Variants in ROBO1 observed in about 807,000 individuals in gnomAD.
ROBO1 encodes roundabout homolog 1.
Under a neutral mutation model 195.9 loss-of-function variants are expected in ROBO1, and 149 were observed. The ratio of observed to expected loss-of-function variants is 0.76; its 90% CI spans 0.67 to 0.87. The LOEUF is 0.87. Ranked by LOEUF, ROBO1 falls within the 40% of genes least tolerant of loss-of-function variation. The pLI is 0.00. For synonymous variants in ROBO1, 816 were observed against 733.2 expected (o/e 1.11, Z -1.82); for missense variants, 1,933 against 2,068.3 (o/e 0.93, Z 1.27).
chr3:78,987,091 G>A (rs549841630), intron 3 of ROBO1, among the ~76,000 whole-genome samples: 16 of 146,060 alleles, frequency 1.1e-4, no homozygotes, highest in South Asian at 4.3e-4. Context: ...AAAACATGAC[G>A]AAGTACTCTA....
intron 2 of ROBO1, among the ~76,000 whole-genome samples, chr3:79,307,808 A>G (rs2109082023): frequency 6.6e-6 from 1 of 152,270 alleles, no homozygotes; most frequent in East Asian, 1.9e-4. Flanking sequence ...GAATTGATTC[A>G]CTTTGGAAGT....
chr3:79,663,439 G>A lies in ROBO1; in HGVS notation c.-50-73478C>T, dbSNP rs141654206. Among the ~76,000 whole-genome samples, 360 of 152,016 alleles carry A rather than the reference G, an allele frequency of 2.4e-3. 1 individual carries two copies. Among genetic ancestry groups the A allele is most frequent in the African/African-American group, 8.5e-3 (354 of 41,508 alleles). On this transcript the variant is annotated intron_variant, in intron 1 of 30. Transcript: ENST00000464233. ...TAAAAACAATTTTCCTAAGTAACTG[G>A]TAATTCCTCTCATTCTCTTCCTATT...
At chr3:79,188,658 T>A (rs2081485414) in intron 2 of ROBO1, among the ~76,000 whole-genome samples, 1 of 151,780 alleles carries the variant, frequency 6.6e-6, no homozygotes, top group Non-Finnish European at 1.5e-5. Flanking sequence ...TGCCCTTTCA[T>A]TGAACCAATA....
At chr3:79,675,298 A>C (rs532989749) in intron 1 of ROBO1, among the ~76,000 whole-genome samples, 2 of 152,122 alleles carry the variant, frequency 1.3e-5, no homozygotes, top group South Asian at 2.1e-4. Flanking sequence ...GCATTAGTTT[A>C]GTGTTAAATA....
chr3:78,722,107 T>G (rs1159535037), intron 5 of ROBO1, among the ~76,000 whole-genome samples: 1 of 152,172 alleles, frequency 6.6e-6, no homozygotes, highest in Non-Finnish European at 1.5e-5. Context: ...ACACTTGGCT[T>G]AATCATGAAA....
At chr3:78,774,412 G>A (rs866163458) in intron 4 of ROBO1, among the ~76,000 whole-genome samples, 4 of 151,624 alleles carry the variant, frequency 2.6e-5, no homozygotes, top group Admixed American at 6.6e-5. Context: ...CTGGGTTCAC[G>A]CCATTCTCCT....
chr3:79,574,984 A>G (rs947666752), intron 2 of ROBO1, among the ~76,000 whole-genome samples: 1 of 150,644 alleles, frequency 6.6e-6, no homozygotes, highest in Admixed American at 6.7e-5. Context: ...GGCCAATTCT[A>G]GTAAACATTT....
intron 1 of ROBO1, among the ~76,000 whole-genome samples, chr3:79,634,726 G>T (rs907858860): frequency 6.6e-6 from 1 of 151,896 alleles, no homozygotes; most frequent in Admixed American, 6.6e-5. Flanking sequence ...TTATAAACAG[G>T]TTGAAAAAAT....
chr3:78,670,557 G>C, intron 10 of ROBO1: 1 of 436,606 alleles, frequency 2.3e-6, no homozygotes, highest in Non-Finnish European at 4.2e-6. Context: ...CCTATTTAAA[G>C]AGTTCGGGAA....
intron 2 of ROBO1, among the ~76,000 whole-genome samples, chr3:79,196,065 T>G (rs1042454350): frequency 4.0e-5 from 6 of 151,564 alleles, no homozygotes; most frequent in African/African-American, 1.5e-4. Flanking sequence ...AGATGAAAAG[T>G]CATAGTCTTT....
rs574867915 is a variant in ROBO1, at chr3:79,012,790, AAGAG to A, written c.173-73867_173-73864del. Among the ~76,000 whole-genome samples the A allele has an allele frequency of 4.4e-3, 663 of 152,256 alleles. 17 individuals carry two copies. Among genetic ancestry groups the A allele is most frequent in the Admixed American group, 0.04 (615 of 15,286 alleles). On this transcript the variant is annotated intron_variant, in intron 3 of 30. Coordinates refer to ENST00000464233, the MANE Select transcript of ROBO1 (RefSeq NM_002941.4). ...GAAATAGCCTTTTGGATGGTTAAAAAAGAGAGAGGAAAAAGCAAAGCAGTGGAGA... is the reference window on the plus strand; with the variant it reads ...GAAATAGCCTTTTGGATGGTTAAAAAAGAGGAAAAAGCAAAGCAGTGGAGA...
intron 4 of ROBO1, among the ~76,000 whole-genome samples, chr3:78,934,794 GACAC>G (rs200128007): frequency 6.6e-6 from 1 of 151,304 alleles, no homozygotes; most frequent in East Asian, 1.9e-4. Context: ...TACACACATA[GACAC>G]ACACACACAC....
chr3:79,384,328 TC>T (rs2036665302), intron 2 of ROBO1, among the ~76,000 whole-genome samples: 1 of 152,004 alleles, frequency 6.6e-6, no homozygotes, highest in Non-Finnish European at 1.5e-5. Context: ...AATACAATGA[TC>T]AAAATTGCTT....
intron 4 of ROBO1, among the ~76,000 whole-genome samples, chr3:78,815,781 C>T (rs942103378): frequency 1.3e-5 from 2 of 152,154 alleles, no homozygotes; most frequent in Non-Finnish European, 2.9e-5. Flanking sequence ...TCAGCCTCCA[C>T]TTGTAATTCT....
chr3:79,328,599 G>T (rs1485271499), intron 2 of ROBO1, among the ~76,000 whole-genome samples: 1 of 152,004 alleles, frequency 6.6e-6, no homozygotes, highest in Non-Finnish European at 1.5e-5. Context: ...TATAATCCAT[G>T]ATTTTAAAAA....
intron 3 of ROBO1, among the ~76,000 whole-genome samples, chr3:79,077,213 C>T (rs1183830992): frequency 1.3e-5 from 2 of 151,876 alleles, no homozygotes; most frequent in African/African-American, 4.8e-5. Context: ...CCGTCTCCAG[C>T]CCCTGACAAC....
Position 79,574,083 on chromosome 3 carries a change from A to T in ROBO1, c.88+15741T>A, listed in dbSNP as rs1313067038. 5.9e-5 allele frequency among the ~76,000 whole-genome samples: 9 copies of T among 152,206 alleles called. 1 individual carries two copies. In the South Asian group the frequency reaches 1.2e-3, roughly 21 times the overall value. On this transcript the variant is annotated intron_variant, in intron 2 of 30. Transcript: ENST00000464233. ...GTACAATGAATATATCTTTAAAAAA[A>T]TTTTAGGGTGGTTATGTTGAAGCAG... is the stretch of plus-strand genomic sequence containing the variant.
intron 2 of ROBO1, among the ~76,000 whole-genome samples, chr3:79,364,236 G>T (rs71626833): frequency 6.8e-6 from 1 of 146,822 alleles, no homozygotes; most frequent in Non-Finnish European, 1.5e-5. Flanking sequence ...ATGTGTGTGT[G>T]TATATATATA....
At chr3:79,050,868 A>G in intron 3 of ROBO1, among the ~76,000 whole-genome samples, 1 of 152,340 alleles carries the variant, frequency 6.6e-6, no homozygotes, top group East Asian at 1.9e-4. Flanking sequence ...CAGTGAGAAC[A>G]AAGACACAAC....
Sources: allele counts gnomAD v4.1 joint callset (sites outside exome capture counted in the v4.1 genomes callset), GRCh38; gene constraint gnomAD v4.1.1; transcripts MANE v1.5; gene names NCBI Gene and HGNC (gene_info 2026-07-23, HGNC 2026-07-21).